The following SEMA3A variants were observed in gnomAD, a reference collection of about 807,000 sequenced individuals.
SEMA3A encodes the protein semaphorin-3A.
Under a neutral mutation model 97.9 loss-of-function variants are expected in SEMA3A, and 29 were observed. The ratio of observed to expected loss-of-function variants is 0.30; its 90% CI spans 0.22 to 0.40. SEMA3A has a LOEUF of 0.40. SEMA3A is among the 10% of genes least tolerant of loss of function. The probability of loss-of-function intolerance (pLI) is 1.00; values close to 1 mark genes in which losing one functional copy is unlikely to be tolerated. For synonymous variants in SEMA3A, 321 were observed against 323.7 expected, an observed-to-expected ratio of 0.99 and a Z score of 0.09; for missense variants, 763 against 951.3, an observed-to-expected ratio of 0.80 and a Z score of 2.60.
chr7:84,141,301 G>A (rs1732279979), intron 1 of SEMA3A, among the ~76,000 whole-genome samples: 1 of 152,088 alleles, frequency 6.6e-6, no homozygotes, highest in Non-Finnish European at 1.5e-5. Flanking sequence ...TCTCCAGCCT[G>A]TGCCAGAGGC....
rs1335108136 is a variant in SEMA3A, at chr7:83,959,751, T to C, written c.*1620A>G. On this transcript the variant is annotated 3_prime_UTR_variant, in exon 17 of 17. Coordinates refer to ENST00000265362, the MANE Select transcript of SEMA3A (RefSeq NM_006080.3). ...TAATAAGATGTTTTCTTTGCATTTT[T>C]GTGCATGATGAGGAACCTGGGGGAG... 6.6e-6 allele frequency: 1 copy of C among 152,082 alleles called. No homozygotes were observed. Among genetic ancestry groups the C allele is most frequent in the Admixed American group, 6.6e-5 (1 of 15,262 alleles). The allele number at this position is 152,082 out of a possible 1,614,324, so 9.4% of individuals were successfully genotyped here. A position where few individuals can be genotyped will look rare whatever the true frequency, so the allele number is the denominator to read the frequency against.
At chr7:84,119,175 A>G (rs142721260) in intron 3 of SEMA3A, among the ~76,000 whole-genome samples, 2,938 of 152,290 alleles carry the variant, frequency 0.019, 99 homozygotes, top group African/African-American at 0.067. Flanking sequence ...ATACTAAAAA[A>G]ACTATCTTTT....
At chr7:84,042,954 T>G (rs1400854728) in intron 6 of SEMA3A, among the ~76,000 whole-genome samples, 1 of 152,062 alleles carries the variant, frequency 6.6e-6, no homozygotes, top group Admixed American at 6.6e-5. Flanking sequence ...ACTATAAATA[T>G]ACACAGAACA....
chr7:84,357,790 A>C (rs1342508860), intron 2 of SEMA3A, among the ~76,000 whole-genome samples: 1 of 151,740 alleles, frequency 6.6e-6, no homozygotes, highest in Non-Finnish European at 1.5e-5. Context: ...CATCCTCTCC[A>C]GCACCTGTTG....
chr7:84,488,121 A>T (rs1249550671), intron 1 of SEMA3A, among the ~76,000 whole-genome samples: 1 of 152,126 alleles, frequency 6.6e-6, no homozygotes, highest in African/African-American at 2.4e-5. Context: ...TATAATATTA[A>T]AAATAAAAGA....
At chr7:84,126,014 C>T (rs1795783110) in intron 3 of SEMA3A, among the ~76,000 whole-genome samples, 1 of 152,054 alleles carries the variant, frequency 6.6e-6, no homozygotes, top group African/African-American at 2.4e-5. Flanking sequence ...TGGTCATAAC[C>T]ATTAAGGAGT....
chr7:84,240,014 C>G (rs906122547), intron 3 of SEMA3A, among the ~76,000 whole-genome samples: 112 of 152,126 alleles, frequency 7.4e-4, no homozygotes, highest in African/African-American at 2.6e-3. Flanking sequence ...CCACAGTATC[C>G]TATAAATTTT....
At chr7:84,158,202 T>G (rs1442807941) in intron 1 of SEMA3A, among the ~76,000 whole-genome samples, 1 of 140,172 alleles carries the variant, frequency 7.1e-6, no homozygotes, top group Non-Finnish European at 1.5e-5. Context: ...TTGCCCAGGC[T>G]GGAGTGCAGT....
Position 84,005,574 on chromosome 7 carries a change from GA to G in SEMA3A, c.1141-17del. 1.3e-6 allele frequency: 2 copies of G among 1,494,522 alleles called. No homozygotes were observed. Among genetic ancestry groups the G allele is most frequent in the African/African-American group, 1.4e-5 (1 of 71,952 alleles). The allele number at this position is 1,494,522 out of a possible 1,614,324, so 92.6% of individuals were successfully genotyped here. The stretch of plus-strand genomic sequence containing the variant: ...TGCTGGGACACTATTAAGATAAAGA[GA>G]AAATTATCTTTTGATTAAAATCTAA... On this transcript the variant is annotated splice_polypyrimidine_tract_variant and intron_variant, in intron 10 of 16. Coordinates refer to ENST00000265362, the MANE Select transcript of SEMA3A (RefSeq NM_006080.3).
intron 2 of SEMA3A, among the ~76,000 whole-genome samples, chr7:84,323,680 G>C (rs1469232348): frequency 6.6e-6 from 1 of 152,104 alleles, no homozygotes; most frequent in Non-Finnish European, 1.5e-5. Flanking sequence ...AAAATGGAAA[G>C]CTTATTCTCT....
rs1047683358 is a variant in SEMA3A, at chr7:83,959,267, A to G, written c.*2104T>C. 3 of 152,094 alleles carry G rather than the reference A, an allele frequency of 2.0e-5. No homozygotes were observed. Among genetic ancestry groups the G allele is most frequent in the African/African-American group, 7.2e-5 (3 of 41,464 alleles). The allele number at this position is 152,094 out of a possible 1,614,324, so 9.4% of individuals were successfully genotyped here. A position where few individuals can be genotyped will look rare whatever the true frequency, so the allele number is the denominator to read the frequency against. On this transcript the variant is annotated 3_prime_UTR_variant, in exon 17 of 17. Transcript: ENST00000265362. ...TAAGATATTTCTGCTATCGCAAATA[A>G]ATTTATTTCAGCTGCAAATTTAGAA...
chr7:84,315,387 C>T (rs1262067438), intron 2 of SEMA3A, among the ~76,000 whole-genome samples: 1 of 151,746 alleles, frequency 6.6e-6, no homozygotes, highest in African/African-American at 2.4e-5. Context: ...CTTGGATGAT[C>T]GACACAATAA....
At chr7:84,401,569 G>C (rs528432504) in intron 1 of SEMA3A, among the ~76,000 whole-genome samples, 1 of 150,846 alleles carries the variant, frequency 6.6e-6, no homozygotes, top group South Asian at 2.1e-4. Context: ...TTGGCAAAGA[G>C]AATAAAGCTG....
At chr7:84,166,001 G>C (rs1797194185) in intron 1 of SEMA3A, among the ~76,000 whole-genome samples, 1 of 152,172 alleles carries the variant, frequency 6.6e-6, no homozygotes, top group Non-Finnish European at 1.5e-5. Context: ...AGCCAGGTGA[G>C]GTGGTTCATG....
At chr7:83,973,871 T>A (rs1197626157) in intron 15 of SEMA3A, among the ~76,000 whole-genome samples, 1 of 142,886 alleles carries the variant, frequency 7.0e-6, no homozygotes, top group African/African-American at 2.7e-5. Flanking sequence ...AACATGATGG[T>A]ACAGTTAAAA....
At chr7:84,354,419 T>C (rs947650628) in intron 2 of SEMA3A, among the ~76,000 whole-genome samples, 2 of 151,788 alleles carry the variant, frequency 1.3e-5, no homozygotes, top group Admixed American at 6.6e-5. Flanking sequence ...TGAATCTGTA[T>C]TATTTTTACC....
intron 12 of SEMA3A, among the ~76,000 whole-genome samples, chr7:84,000,564 A>T (rs2116382821): frequency 6.6e-6 from 1 of 152,212 alleles, no homozygotes; most frequent in Admixed American, 6.5e-5. Context: ...AGTGTTTCTA[A>T]TTCTTCCATT....
rs527937289 is a variant in SEMA3A, at chr7:83,999,419, A to G, written c.1452+2536T>C. The stretch of plus-strand genomic sequence containing the variant: ...TGCAAAATTATGCACATTCTAATTC[A>G]TATCAGAAAATAATTAAATAATAAA... On this transcript the variant is annotated intron_variant, in intron 12 of 16. Coordinates refer to ENST00000265362, the MANE Select transcript of SEMA3A (RefSeq NM_006080.3). Among the ~76,000 whole-genome samples the G allele has an allele frequency of 1.9e-3, 268 of 143,904 alleles. 2 individuals are homozygous for G. The highest frequency in any genetic ancestry group is 6.6e-3 in the African/African-American group (260 of 39,660). The allele number at this position is 143,904 out of a possible 152,430, so 94.4% of individuals were successfully genotyped here.
chr7:83,992,050 A>G (rs1789969645), intron 12 of SEMA3A, among the ~76,000 whole-genome samples: 10 of 131,148 alleles, frequency 7.6e-5, no homozygotes, highest in South Asian at 2.7e-4. Context: ...TAGTCTTGGG[A>G]GAGTGTATGT....
Sources: allele counts gnomAD v4.1 joint callset (sites outside exome capture counted in the v4.1 genomes callset), GRCh38; gene constraint gnomAD v4.1.1; transcripts MANE v1.5; gene names NCBI Gene and HGNC (gene_info 2026-07-23, HGNC 2026-07-21).